Variants in PTCHD4 observed in about 807,000 individuals in gnomAD.
PTCHD4 encodes patched domain containing 4, also known as patched domain-containing protein 4.
Under a neutral mutation model 58.1 loss-of-function variants are expected in PTCHD4, and 33 were observed. That is an observed-to-expected ratio of 0.57 (90% CI 0.43 to 0.76). PTCHD4 has a LOEUF of 0.76. Among genes scored for constraint, PTCHD4 ranks in the 30% least tolerant of loss-of-function variants. The pLI is 0.00. For missense variants in PTCHD4, 1,058 were observed against 1,027.1 expected (o/e 1.03, Z -0.41); for synonymous variants, 478 against 409.6 (o/e 1.17, Z -2.02).
chr6:47,962,105 A>T lies in PTCHD4; in HGVS notation c.898+46529T>A, dbSNP rs548187848. On this transcript the variant is annotated intron_variant, in intron 4 of 4. Transcript: ENST00000339488. ...TCATTACAGATCTACAGATATTTTA[A>T]TTATAATAAGAGAATATTATGAAAA... Among the ~76,000 whole-genome samples the T allele has an allele frequency of 3.3e-5, 5 of 152,320 alleles. No individual in the cohort carries two copies. The East Asian group carries it at 9.7e-4, about 29-fold the overall frequency.
chr6:47,862,189 A>G lies in PTCHD4; in HGVS notation c.*16114T>C, dbSNP rs961147487. Among the ~76,000 whole-genome samples, 1 of 151,318 alleles carries G rather than the reference A, an allele frequency of 6.6e-6. No homozygotes were observed. The highest frequency in any genetic ancestry group is 2.4e-5 in the African/African-American group (1 of 41,278). On this transcript the variant is annotated 3_prime_UTR_variant, in exon 5 of 5. Transcript: ENST00000339488. ...AGTTGGCCTTTAGGAGGCCTGATGGATTTTTAATGAATTATCGGTTTTGCC... is the reference window on the plus strand; with the variant it reads ...AGTTGGCCTTTAGGAGGCCTGATGGGTTTTTAATGAATTATCGGTTTTGCC...
chr6:48,044,015 GT>G (rs1174147943), intron 3 of PTCHD4, among the ~76,000 whole-genome samples: 1 of 151,768 alleles, frequency 6.6e-6, no homozygotes, highest in African/African-American at 2.4e-5. Flanking sequence ...TAGGAACCTT[GT>G]TTTTCCCAAT....
At position 47,897,973 on chromosome 6, in the gene PTCHD4, G is replaced by A. The variant is rs563895120; in HGVS notation, c.899-18037C>T. On this transcript the variant is annotated intron_variant, in intron 4 of 4. Coordinates refer to ENST00000339488, the MANE Select transcript of PTCHD4 (RefSeq NM_001384253.1). Reference sequence around the variant, plus strand: ...TTTTTTTTTTTTTTTTTGAGACAGAGTCGCTTTGTTGCCCAGGCTGGAGTG... The same window carrying A: ...TTTTTTTTTTTTTTTTTGAGACAGAATCGCTTTGTTGCCCAGGCTGGAGTG... 1.1e-3 allele frequency among the ~76,000 whole-genome samples: 115 copies of A among 102,370 alleles called. 2 individuals are homozygous for A. Among genetic ancestry groups the A allele is most frequent in the Middle Eastern group, 0.01 (1 of 100 alleles). 67.2% of individuals were successfully genotyped at this position (102,370 alleles called of 152,430 possible).
At chr6:47,916,993 T>TA (rs1361260086) in intron 4 of PTCHD4, among the ~76,000 whole-genome samples, 4 of 152,130 alleles carry the variant, frequency 2.6e-5, no homozygotes, top group Admixed American at 6.5e-5. Flanking sequence ...CTTATTTGTC[T>TA]ATAGAGATTC....
intron 3 of PTCHD4, among the ~76,000 whole-genome samples, chr6:48,056,585 T>C (rs182735755): frequency 8.9e-4 from 136 of 152,342 alleles, no homozygotes; most frequent in African/African-American, 3.1e-3. Context: ...ACAATAAATG[T>C]AACTCGGGTT....
At chr6:48,029,211 G>A (rs1763353080) in intron 3 of PTCHD4, among the ~76,000 whole-genome samples, 1 of 152,014 alleles carries the variant, frequency 6.6e-6, no homozygotes, top group East Asian at 1.9e-4. Flanking sequence ...TAAATCTGTT[G>A]TCACTACAGA....
intron 3 of PTCHD4, among the ~76,000 whole-genome samples, chr6:48,038,532 C>T (rs913465988): frequency 6.6e-6 from 1 of 151,584 alleles, no homozygotes; most frequent in African/African-American, 2.4e-5. Context: ...CCCAGCTACT[C>T]GGGAGGCTGA....
At chr6:48,043,425 GT>G (rs967591218) in intron 3 of PTCHD4, among the ~76,000 whole-genome samples, 12 of 151,574 alleles carry the variant, frequency 7.9e-5, no homozygotes, top group African/African-American at 2.2e-4. Flanking sequence ...GAAAGGCAGC[GT>G]TTTTTTGACT....
chr6:47,915,003 T>G (rs2113873850), intron 4 of PTCHD4, among the ~76,000 whole-genome samples: 1 of 152,236 alleles, frequency 6.6e-6, no homozygotes, highest in South Asian at 2.1e-4. Context: ...TTCCTGAATC[T>G]TTATGAGAAT....
At chr6:47,997,587 T>C (rs1768546966) in intron 4 of PTCHD4, among the ~76,000 whole-genome samples, 1 of 152,204 alleles carries the variant, frequency 6.6e-6, no homozygotes, top group South Asian at 2.1e-4. Context: ...ATCTTCTTTA[T>C]ATTAAACTCA....
At chr6:48,082,224 G>A (rs906883263) in intron 1 of PTCHD4, among the ~76,000 whole-genome samples, 1 of 152,188 alleles carries the variant, frequency 6.6e-6, no homozygotes, top group Non-Finnish European at 1.5e-5. Context: ...AATGAATGAA[G>A]AAGGAAGACA....
At chr6:47,957,509 C>T (rs1347798332) in intron 4 of PTCHD4, among the ~76,000 whole-genome samples, 4 of 151,112 alleles carry the variant, frequency 2.6e-5, no homozygotes. Context: ...TCCTATGTTC[C>T]TATCCTACTC....
chr6:48,066,406 T>G (rs964669997), intron 3 of PTCHD4, among the ~76,000 whole-genome samples: 4 of 152,140 alleles, frequency 2.6e-5, no homozygotes, highest in African/African-American at 9.7e-5. Context: ...CAACCAATAA[T>G]GCATACTAAT....
rs1408106329 is a variant in PTCHD4, at chr6:47,866,545, C to T, written c.*11758G>A. Among the ~76,000 whole-genome samples, 1 of 151,830 alleles carries T rather than the reference C, an allele frequency of 6.6e-6. No individual in the cohort carries two copies. Among genetic ancestry groups the T allele is most frequent in the East Asian group, 1.9e-4 (1 of 5,156 alleles). On this transcript the variant is annotated 3_prime_UTR_variant, in exon 5 of 5. Coordinates refer to ENST00000339488, the MANE Select transcript of PTCHD4 (RefSeq NM_001384253.1). ...TTTATCTCCATTCTACTTCTGTGAA[C>T]AGATGTCCTCCTCGTGAACCAGTTG...
intron 1 of PTCHD4, among the ~76,000 whole-genome samples, chr6:48,074,419 A>G (rs1765025336): frequency 6.6e-6 from 1 of 152,230 alleles, no homozygotes. Context: ...ACACACGCAG[A>G]CAGACAAGAT....
chr6:47,992,079 A>G (rs1768299158), intron 4 of PTCHD4, among the ~76,000 whole-genome samples: 1 of 152,154 alleles, frequency 6.6e-6, no homozygotes, highest in African/African-American at 2.4e-5. Flanking sequence ...AATTTACCAG[A>G]CACATATGGA....
At chr6:47,945,232 G>T (rs930954789) in intron 4 of PTCHD4, among the ~76,000 whole-genome samples, 1 of 151,890 alleles carries the variant, frequency 6.6e-6, no homozygotes, top group South Asian at 2.1e-4. Context: ...TCAAGAATTC[G>T]CCTGGTTTAC....
chr6:48,059,918 G>A (rs982474817), intron 3 of PTCHD4, among the ~76,000 whole-genome samples: 2 of 151,984 alleles, frequency 1.3e-5, no homozygotes, highest in Non-Finnish European at 2.9e-5. Context: ...TCAGATCTCT[G>A]CTCACAGTCA....
intron 4 of PTCHD4, among the ~76,000 whole-genome samples, chr6:48,001,018 G>T (rs1768699679): frequency 6.6e-6 from 1 of 152,082 alleles, no homozygotes. Context: ...GCTTCAAAGA[G>T]AATAAAACAC....
Sources: allele counts gnomAD v4.1 joint callset (sites outside exome capture counted in the v4.1 genomes callset), GRCh38; gene constraint gnomAD v4.1.1; transcripts MANE v1.5; gene names NCBI Gene and HGNC (gene_info 2026-07-23, HGNC 2026-07-21).